Variants in AMBRA1 observed in about 807,000 individuals in gnomAD.
The protein encoded by AMBRA1 is activating molecule in BECN1-regulated autophagy protein 1.
AMBRA1 carries 47 observed loss-of-function variants against 125.4 expected under a neutral mutation model. The ratio of observed to expected loss-of-function variants is 0.37; its 90% CI spans 0.30 to 0.48. AMBRA1 has a LOEUF of 0.48. AMBRA1 is among the 20% of genes least tolerant of loss of function. The pLI, the probability that AMBRA1 is intolerant of heterozygous loss-of-function variation, is 0.99. For missense variants in AMBRA1, 1,331 were observed against 1,693.4 expected, an observed-to-expected ratio of 0.79 and a Z score of 3.76; for synonymous variants, 626 against 655.5, an observed-to-expected ratio of 0.95 and a Z score of 0.69.
chr11:46,437,026 T>C (rs1947753459), intron 12 of AMBRA1, among the ~76,000 whole-genome samples: 1 of 152,238 alleles, frequency 6.6e-6, no homozygotes, highest in African/African-American at 2.4e-5. Context: ...TATCTTGCTG[T>C]TACATAGATC....
intron 7 of AMBRA1, among the ~76,000 whole-genome samples, chr11:46,539,436 A>G (rs1028704202): frequency 3.9e-5 from 6 of 152,106 alleles, no homozygotes; most frequent in African/African-American, 1.4e-4. Flanking sequence ...GCATGCCTAT[A>G]ATACCAGCTA....
chr11:46,455,141 C>A (rs1171586836), intron 11 of AMBRA1, among the ~76,000 whole-genome samples: 2 of 152,118 alleles, frequency 1.3e-5, no homozygotes, highest in African/African-American at 2.4e-5. Context: ...CCTGCCTTGG[C>A]CTCCCAAATT....
At chr11:46,453,358 T>G (rs1174419509) in intron 11 of AMBRA1, among the ~76,000 whole-genome samples, 1 of 152,008 alleles carries the variant, frequency 6.6e-6, no homozygotes, top group African/African-American at 2.4e-5. Context: ...CTTGAACTAC[T>G]GGGCTCAAGC....
chr11:46,584,429 C>T (rs867505943), intron 1 of AMBRA1, among the ~76,000 whole-genome samples: 5 of 148,710 alleles, frequency 3.4e-5, no homozygotes, highest in South Asian at 4.3e-4. Context: ...TGCTAAATGA[C>T]GAGTTAGTGG....
intron 7 of AMBRA1, 80 bp from the exon 8 acceptor site, chr11:46,512,893 GAT>G: frequency 7.6e-7 from 1 of 1,317,160 alleles, no homozygotes; most frequent in East Asian, 2.5e-5. Flanking sequence ...ATGAGGGAGA[GAT>G]ATATAACTTT....
At chr11:46,497,112 AAAAT>A (rs1216893211) in intron 9 of AMBRA1, among the ~76,000 whole-genome samples, 5 of 152,022 alleles carry the variant, frequency 3.3e-5, no homozygotes, top group East Asian at 1.9e-4. Flanking sequence ...CTCTGTCTCA[AAAAT>A]AAATAAATAA....
chr11:46,527,137 T>C (rs1263640094), intron 7 of AMBRA1, among the ~76,000 whole-genome samples: 1 of 152,044 alleles, frequency 6.6e-6, no homozygotes, highest in Non-Finnish European at 1.5e-5. Flanking sequence ...ATGTAGAAAA[T>C]GGTCCTAGAA....
At chr11:46,578,409 C>A (rs1400495966) in intron 1 of AMBRA1, among the ~76,000 whole-genome samples, 1 of 151,622 alleles carries the variant, frequency 6.6e-6, no homozygotes, top group Non-Finnish European at 1.5e-5. Flanking sequence ...GTTGCTTGAA[C>A]CTGGGAGGCA....
chr11:46,468,280 T>C (rs1949416093), intron 11 of AMBRA1, among the ~76,000 whole-genome samples: 1 of 150,926 alleles, frequency 6.6e-6, no homozygotes, highest in African/African-American at 2.4e-5. Context: ...CTCACACTGG[T>C]AGTCCCAAGC....
rs187661004 is a variant in AMBRA1 at position 46,418,142 on chromosome 11, A to G, written c.2977-90T>C. On this transcript the variant is annotated intron_variant, in intron 14 of 17. Transcript: ENST00000683756. ...CAAAATCCAGGGAGAAACAAATTAGAAGGAGGAAAGGAGGTGGTTAGGCTG... is the reference window on the plus strand; with the variant it reads ...CAAAATCCAGGGAGAAACAAATTAGGAGGAGGAAAGGAGGTGGTTAGGCTG... 314 of 1,271,088 alleles carry G rather than the reference A, an allele frequency of 2.5e-4. 2 individuals carry two copies. In the East Asian group the frequency reaches 7.7e-3, roughly 31 times the overall value. The allele number at this position is 1,271,088 out of a possible 1,614,324, so 78.7% of individuals were successfully genotyped here. A position where few individuals can be genotyped will look rare whatever the true frequency, so the allele number is the denominator to read the frequency against.
At chr11:46,410,828 G>A (rs1270940835) in intron 15 of AMBRA1, among the ~76,000 whole-genome samples, 4 of 152,174 alleles carry the variant, frequency 2.6e-5, no homozygotes, top group African/African-American at 9.7e-5. Context: ...TTGGCCAGGC[G>A]CCAGTGGCTC....
intron 9 of AMBRA1, among the ~76,000 whole-genome samples, chr11:46,499,675 G>A (rs1950762655): frequency 6.7e-6 from 1 of 149,680 alleles, no homozygotes; most frequent in South Asian, 2.1e-4. Flanking sequence ...TCTTTTTTTT[G>A]AGATGGAGTC....
intron 14 of AMBRA1, chr11:46,429,242 C>T (rs1947331147): frequency 9.8e-7 from 1 of 1,017,064 alleles, no homozygotes; most frequent in Non-Finnish European, 1.5e-6. Context: ...ATAAAATAAG[C>T]CTCCAGCCCC....
intron 11 of AMBRA1, among the ~76,000 whole-genome samples, chr11:46,455,890 G>T (rs1391817528): frequency 6.6e-6 from 1 of 152,168 alleles, no homozygotes; most frequent in Admixed American, 6.5e-5. Context: ...GTGGCTGGTG[G>T]CTCCTGGATC....
At chr11:46,485,560 C>T (rs989664469) in intron 11 of AMBRA1, among the ~76,000 whole-genome samples, 1 of 152,200 alleles carries the variant, frequency 6.6e-6, no homozygotes, top group African/African-American at 2.4e-5. Context: ...CCTGGCTAGA[C>T]AGTAAACTCC....
In AMBRA1 at chr11:46,508,310, A is replaced by G. The variant is rs556943084; in HGVS notation, c.2220T>C (p.Ser740=). ...RMIQYLSRRD[S]IRQRSMRYQQ... ...GGTAGCGCATGGAGCGCTGGCGAATACTGTCTCTCCGTGAGAGATACTGGA... is the reference window on the plus strand; with the variant it reads ...GGTAGCGCATGGAGCGCTGGCGAATGCTGTCTCTCCGTGAGAGATACTGGA... The change falls in exon 9 of 18, where the codon AGT becomes AGC. Residue 740 remains serine, a synonymous_variant. Coordinates refer to ENST00000683756, the MANE Select transcript of AMBRA1 (RefSeq NM_001387011.1). 3 of 1,614,216 alleles carry G rather than the reference A, an allele frequency of 1.9e-6. No individual in the cohort carries two copies. The highest frequency in any genetic ancestry group is 2.7e-5 in the African/African-American group (2 of 75,064).
chr11:46,563,241 CT>C (rs200094704), intron 1 of AMBRA1, among the ~76,000 whole-genome samples: 1 of 151,872 alleles, frequency 6.6e-6, no homozygotes, highest in South Asian at 2.1e-4. Flanking sequence ...GACCTCATCT[CT>C]TTTTTTTGTT....
rs79899566 is a variant in AMBRA1, at chr11:46,443,434, G to A, written c.2632+54C>T. 2,256 of 1,462,730 alleles carry A rather than the reference G, an allele frequency of 1.5e-3. 24 individuals are homozygous for A. The African/African-American group carries it at 0.029, about 19-fold the overall frequency. The allele number at this position is 1,462,730 out of a possible 1,614,324, so 90.6% of individuals were successfully genotyped here. A position where few individuals can be genotyped will look rare whatever the true frequency, so the allele number is the denominator to read the frequency against. ...GTGCTCCATGAATTTTTGAGTTCTG[G>A]CTCACCAGCAAATATAACCCTTCCA... On this transcript the variant is annotated intron_variant, in intron 12 of 17. Coordinates refer to ENST00000683756, the MANE Select transcript of AMBRA1 (RefSeq NM_001387011.1).
At chr11:46,497,110 C>T (rs558424483) in intron 9 of AMBRA1, among the ~76,000 whole-genome samples, 2 of 148,628 alleles carry the variant, frequency 1.3e-5, no homozygotes, top group Non-Finnish European at 3.0e-5. Flanking sequence ...GACTCTGTCT[C>T]AAAAATAAAT....
Sources: gnomAD v4.1 joint callset for allele counts (sites outside exome capture counted in the v4.1 genomes callset) on GRCh38, gnomAD v4.1.1 for gene constraint, MANE v1.5 for transcripts, NCBI Gene and HGNC (gene_info 2026-07-23, HGNC 2026-07-21) for gene names.